The following CALN1 variants were observed in gnomAD, a reference collection of about 807,000 sequenced individuals.
CALN1 encodes the protein calcium-binding protein 8.
CALN1 carries 17 observed loss-of-function variants against 30.6 expected under a neutral mutation model. The observed-to-expected ratio is 0.56, with a 90% CI of 0.38 to 0.83. CALN1 has a LOEUF of 0.83. Ranked by LOEUF, CALN1 falls within the 40% of genes least tolerant of loss-of-function variation. CALN1 has a pLI of 0.00. For missense variants in CALN1, 291 were observed against 354.9 expected, an observed-to-expected ratio of 0.82 and a Z score of 1.45; for synonymous variants, 156 against 131.4, an observed-to-expected ratio of 1.19 and a Z score of -1.28.
chr7:72,492,572 A>C, the CALN1 span, among the ~76,000 whole-genome samples: 1 of 152,346 alleles, frequency 6.6e-6, no homozygotes, highest in East Asian at 1.9e-4. Flanking sequence ...GCTGTTTCTC[A>C]CAGTCACAAG....
chr7:72,247,084 C>CA (rs1795219511), intron 3 of CALN1, among the ~76,000 whole-genome samples: 1 of 151,506 alleles, frequency 6.6e-6, no homozygotes, highest in Non-Finnish European at 1.5e-5. Flanking sequence ...TATATAATCA[C>CA]AGACAGCCCA....
At chr7:72,110,701 A>G (rs1167880426) in intron 3 of CALN1, among the ~76,000 whole-genome samples, 2 of 151,874 alleles carry the variant, frequency 1.3e-5, no homozygotes, top group Non-Finnish European at 2.9e-5. Context: ...AAAAAAATAC[A>G]AAACTAGAAA....
chr7:72,225,011 C>G (rs1378825766), intron 3 of CALN1, among the ~76,000 whole-genome samples: 2 of 151,334 alleles, frequency 1.3e-5, no homozygotes, highest in Admixed American at 6.6e-5. Flanking sequence ...GGCAGGAGAA[C>G]GGCATGCATG....
chr7:72,206,038 C>CT (rs1377734571), intron 3 of CALN1, among the ~76,000 whole-genome samples: 1 of 152,194 alleles, frequency 6.6e-6, no homozygotes, highest in Non-Finnish European at 1.5e-5. Context: ...AGCAGCACCA[C>CT]TTTTCATTAT....
At chr7:72,300,771 T>C (rs1236594109) in intron 2 of CALN1, among the ~76,000 whole-genome samples, 2 of 152,100 alleles carry the variant, frequency 1.3e-5, no homozygotes, top group Middle Eastern at 3.2e-3. Context: ...AGGGGGCAGA[T>C]CACTTGAGGT....
At chr7:71,935,476 A>C (rs908896780) in intron 5 of CALN1, among the ~76,000 whole-genome samples, 2 of 152,182 alleles carry the variant, frequency 1.3e-5, no homozygotes, top group Admixed American at 6.5e-5. Flanking sequence ...CAATCCCAGC[A>C]GTTTGGGAGG....
At chr7:72,202,019 G>A (rs1246487016) in intron 3 of CALN1, among the ~76,000 whole-genome samples, 3 of 152,236 alleles carry the variant, frequency 2.0e-5, no homozygotes, top group South Asian at 2.1e-4. Context: ...TCAGTGGGAG[G>A]AGCAAGCCTC....
chr7:71,820,985 T>C (rs2867515), intron 5 of CALN1, among the ~76,000 whole-genome samples: 24,444 of 152,058 alleles, frequency 0.16, 2,853 homozygotes, highest in East Asian at 0.58. Context: ...GACACCTGGG[T>C]TTTACGTTCA....
chr7:71,930,473 A>C (rs1251491107), intron 5 of CALN1, among the ~76,000 whole-genome samples: 1 of 152,152 alleles, frequency 6.6e-6, no homozygotes, highest in Non-Finnish European at 1.5e-5. Context: ...AGCCCTTTAT[A>C]AAGCTATATG....
intron 5 of CALN1, among the ~76,000 whole-genome samples, chr7:71,860,981 A>T (rs1013603000): frequency 3.3e-5 from 5 of 152,154 alleles, no homozygotes; most frequent in African/African-American, 9.7e-5. Context: ...AGTTCAAAGT[A>T]ACCCACATTA....
In CALN1 at chr7:71,780,494, T is replaced by C. The variant is rs1187154033; in HGVS notation, c.*7281A>G. ...CCTGCCCTCTCTCCCTGGTCATGGG[T>C]GGGCCACATCAAAAGCAGGCACCGC... On this transcript the variant is annotated 3_prime_UTR_variant, in exon 7 of 7. Transcript: ENST00000395275. 1 of 152,316 alleles carries C rather than the reference T, an allele frequency of 6.6e-6. No individual in the cohort carries two copies. Among genetic ancestry groups the C allele is most frequent in the Non-Finnish European group, 1.5e-5 (1 of 68,176 alleles). 9.4% of individuals were successfully genotyped at this position (152,316 alleles called of 1,614,324 possible).
chr7:72,311,415 A>C (rs1471181613), intron 2 of CALN1, among the ~76,000 whole-genome samples: 5 of 152,090 alleles, frequency 3.3e-5, no homozygotes, highest in African/African-American at 9.7e-5. Flanking sequence ...TGAATTTTTT[A>C]CTGTGCAGAG....
intron 2 of CALN1, among the ~76,000 whole-genome samples, chr7:72,340,260 A>T (rs1802320731): frequency 6.6e-6 from 1 of 152,164 alleles, no homozygotes; most frequent in Non-Finnish European, 1.5e-5. Flanking sequence ...ATTTGTAGAG[A>T]TGGGATCTCC....
At chr7:72,112,216 C>T (rs1487000874) in intron 3 of CALN1, among the ~76,000 whole-genome samples, 2 of 152,256 alleles carry the variant, frequency 1.3e-5, no homozygotes, top group East Asian at 3.9e-4. Context: ...CAGATAAAGT[C>T]CAGACACCAG....
At chr7:71,990,906 A>G (rs759171783) in intron 5 of CALN1, among the ~76,000 whole-genome samples, 1 of 152,150 alleles carries the variant, frequency 6.6e-6, no homozygotes, top group Non-Finnish European at 1.5e-5. Flanking sequence ...TAACAGTTTC[A>G]TACAGCACAA....
chr7:72,073,530 T>C (rs1398505170), intron 4 of CALN1, among the ~76,000 whole-genome samples: 1 of 152,180 alleles, frequency 6.6e-6, no homozygotes. Context: ...ACAAGTGTGG[T>C]GATTAAACAC....
At chr7:71,792,005 T>A (rs1786595758) in intron 6 of CALN1, among the ~76,000 whole-genome samples, 2 of 148,336 alleles carry the variant, frequency 1.3e-5, no homozygotes, top group African/African-American at 2.6e-5. Flanking sequence ...CGAGACTCCG[T>A]CTCAAAAAAA....
chr7:71,897,616 T>C (rs1793598157), intron 5 of CALN1, among the ~76,000 whole-genome samples: 2 of 151,980 alleles, frequency 1.3e-5, no homozygotes, highest in Admixed American at 6.6e-5. Context: ...AGGAAGGAAA[T>C]TGAGCATTTC....
intron 4 of CALN1, among the ~76,000 whole-genome samples, chr7:72,100,295 C>T (rs565916118): frequency 1.3e-5 from 2 of 152,058 alleles, no homozygotes; most frequent in Admixed American, 6.6e-5. Context: ...AATCCTCCTG[C>T]CTCAGCCTCC....
Sources: gnomAD v4.1 joint callset for allele counts (sites outside exome capture counted in the v4.1 genomes callset) on GRCh38, gnomAD v4.1.1 for gene constraint, MANE v1.5 for transcripts, NCBI Gene and HGNC (gene_info 2026-07-23, HGNC 2026-07-21) for gene names.